The following CCDC83 variants were observed in gnomAD, a reference collection of about 807,000 sequenced individuals.
The protein encoded by CCDC83 is coiled-coil domain-containing protein 83.
Under a neutral mutation model 50.1 loss-of-function variants are expected in CCDC83, and 54 were observed. The ratio of observed to expected loss-of-function variants is 1.08; its 90% CI spans 0.87 to 1.35. The LOEUF (loss-of-function observed/expected upper bound fraction) is 1.35. Among genes scored for constraint, CCDC83 ranks in the 40% most tolerant of loss-of-function variants. The probability of loss-of-function intolerance (pLI) is 0.00; values close to 1 mark genes in which losing one functional copy is unlikely to be tolerated. For missense variants in CCDC83, 518 were observed against 473.9 expected, an observed-to-expected ratio of 1.09 and a Z score of -0.86; for synonymous variants, 161 against 153.3, an observed-to-expected ratio of 1.05 and a Z score of -0.37.
At position 85,895,822 on chromosome 11, in the gene CCDC83, C is replaced by CT. The variant is rs200910995; in HGVS notation, c.603+447dup. Among the ~76,000 whole-genome samples the CT allele has an allele frequency of 6.5e-3, 983 of 150,992 alleles. 10 individuals are homozygous for CT. Among genetic ancestry groups the CT allele is most frequent in the African/African-American group, 0.022 (923 of 41,184 alleles). On this transcript the variant is annotated intron_variant, in intron 6 of 10. Transcript: ENST00000342404. ...GAAGCAACAGCTCAGTGAATTTTTT[C>CT]TTTTTTTTTGAGGCAGGATCTTGCT... is the stretch of plus-strand genomic sequence containing the variant.
chr11:85,910,096 C>T (rs930202463), intron 7 of CCDC83, among the ~76,000 whole-genome samples: 1 of 152,138 alleles, frequency 6.6e-6, no homozygotes, highest in Non-Finnish European at 1.5e-5. Context: ...TGTGTCTGCC[C>T]AGGGAGTCCC....
At chr11:85,888,879 A>C (rs1349853583) in intron 5 of CCDC83, among the ~76,000 whole-genome samples, 1 of 152,126 alleles carries the variant, frequency 6.6e-6, no homozygotes, top group Non-Finnish European at 1.5e-5. Flanking sequence ...ATTCTCTACT[A>C]TCTATTCTGA....
At position 85,911,330 on chromosome 11, in the gene CCDC83, A is replaced by C. The variant is rs1187250000; in HGVS notation, c.722A>C (p.Glu241Ala). The change falls in exon 8 of 11, where the codon GAA becomes GCA. Residue 241 changes from glutamate (E) to alanine (A), a missense_variant. Transcript: ENST00000342404. ...GAAGAATTAAAAAATGCTATTCATG[A>C]ACTGGAAGCAGAAAATTTGGTGCTT... ...EVEELKNAIHELEAENLVLID... is the reference protein window; with the variant it reads ...EVEELKNAIHALEAENLVLID... 1 of 1,611,636 alleles carries C rather than the reference A, an allele frequency of 6.2e-7. No individual in the cohort carries two copies. The highest frequency in any genetic ancestry group is 1.3e-5 in the African/African-American group (1 of 74,950).
At chr11:85,893,257 G>C (rs1013715751) in intron 5 of CCDC83, among the ~76,000 whole-genome samples, 5 of 152,238 alleles carry the variant, frequency 3.3e-5, no homozygotes, top group African/African-American at 1.2e-4. Flanking sequence ...ATATGGAAGA[G>C]AAGTTTTTAC....
chr11:85,875,184 T>C (rs1039769559), intron 3 of CCDC83, among the ~76,000 whole-genome samples: 8 of 152,004 alleles, frequency 5.3e-5, no homozygotes. Context: ...ATGCAAAAAA[T>C]GTTAGGGTGG....
intron 2 of CCDC83, among the ~76,000 whole-genome samples, chr11:85,871,003 C>T (rs1014592050): frequency 6.6e-6 from 1 of 151,990 alleles, no homozygotes; most frequent in Non-Finnish European, 1.5e-5. Context: ...CTCGTCTCTG[C>T]AAAAAATTCA....
chr11:85,894,141 A>T (rs2093362154), intron 5 of CCDC83, among the ~76,000 whole-genome samples: 1 of 152,174 alleles, frequency 6.6e-6, no homozygotes, highest in Admixed American at 6.5e-5. Flanking sequence ...GTCTGGGGAA[A>T]AATTGTCTTC....
chr11:85,916,303 G>A, intron 10 of CCDC83, 70 bp downstream of exon 10: 2 of 1,114,908 alleles, frequency 1.8e-6, no homozygotes, highest in East Asian at 2.4e-5. Flanking sequence ...TTTTAATTGA[G>A]AAAATTAACC....
In CCDC83 at chr11:85,915,469, T is replaced by C. The variant is rs1386655617; in HGVS notation, c.845T>C (p.Met282Thr). Residue 282 changes from methionine to threonine, a missense_variant, in exon 9 of 11, where the codon ATG becomes ACG. Physicochemically the swap from Met to Thr is moderately conservative, Grantham distance 81. Coordinates refer to ENST00000342404, the MANE Select transcript of CCDC83 (RefSeq NM_001286159.2). The part of the protein sequence containing the change: ...AAGLEVPPEE[M>T]SLELPETHIE... Reference sequence around the variant, plus strand: ...GGACTAGAAGTGCCACCTGAAGAAATGTCTTTGGAATTGCCAGAAACACAT... The same window carrying C: ...GGACTAGAAGTGCCACCTGAAGAAACGTCTTTGGAATTGCCAGAAACACAT... The C allele has an allele frequency of 1.2e-6, 2 of 1,613,172 alleles. No homozygotes were observed. The highest frequency in any genetic ancestry group is 2.7e-5 in the African/African-American group (2 of 74,874).
chr11:85,865,720 T>G (rs1295852028), intron 2 of CCDC83, among the ~76,000 whole-genome samples: 1 of 151,984 alleles, frequency 6.6e-6, no homozygotes, highest in East Asian at 1.9e-4. Context: ...AAACCAGGTC[T>G]CCACTAAAAA....
intron 2 of CCDC83, among the ~76,000 whole-genome samples, chr11:85,868,757 C>T (rs1165439516): frequency 6.6e-6 from 1 of 151,954 alleles, no homozygotes; most frequent in Non-Finnish European, 1.5e-5. Context: ...AGGGATCAGC[C>T]CACCTCAACC....
At chr11:85,916,345 A>G in intron 10 of CCDC83, 112 bp downstream of exon 10, 2 of 847,276 alleles carry the variant, frequency 2.4e-6, no homozygotes. Flanking sequence ...TCCATTTGCA[A>G]TTATTAGTAA....
At chr11:85,889,188 A>C (rs146562395) in intron 5 of CCDC83, among the ~76,000 whole-genome samples, 2,960 of 152,258 alleles carry the variant, frequency 0.019, 105 homozygotes, top group African/African-American at 0.066. Flanking sequence ...CCCCATCTCT[A>C]CCAAAAATAC....
Position 85,865,204 on chromosome 11 carries a change from A to C in CCDC83, c.81A>C (p.Ala27=), listed in dbSNP as rs1566068726. ...PKEIKLPTSE[A]LLDYQCQIKE... ...AAATTAAACTGCCTACCAGTGAAGC[A>C]CTTCTAGACTATCAGTAAGTTTTTA... The change falls in exon 2 of 11, where the codon GCA becomes GCC. Residue 27 remains alanine, a synonymous_variant. Transcript: ENST00000342404. The C allele has an allele frequency of 6.3e-7, 1 of 1,594,320 alleles. No homozygotes were observed. Among genetic ancestry groups the C allele is most frequent in the East Asian group, 2.2e-5 (1 of 44,768 alleles).
chr11:85,917,158 GAGAGAGAGA>G (rs2093482020), intron 10 of CCDC83, among the ~76,000 whole-genome samples: 18 of 66,858 alleles, frequency 2.7e-4, no homozygotes, highest in African/African-American at 9.5e-4. Flanking sequence ...GAGAGAGAGA[GAGAGAGAGA>G]GAAAGAAAGA....
At chr11:85,917,209 G>GGAAAGAAAGAAA (rs150122733) in intron 10 of CCDC83, among the ~76,000 whole-genome samples, 13 of 94,852 alleles carry the variant, frequency 1.4e-4, no homozygotes, top group African/African-American at 3.1e-4. Flanking sequence ...AAAGAAAGAA[G>GGAAAGAAAGAAA]GAAAGAAAGA....
rs533632318 is a variant in CCDC83 at position 85,889,206 on chromosome 11, A to G, written c.511+2839A>G. 2.0e-5 allele frequency among the ~76,000 whole-genome samples: 3 copies of G among 152,336 alleles called. No homozygotes were observed. The South Asian group carries it at 6.2e-4, about 32-fold the overall frequency. The stretch of plus-strand genomic sequence containing the variant: ...CATCTCTACCAAAAATACAAAAGTT[A>G]GCTGGGTGTGGTGCCGCACACCTGC... On this transcript the variant is annotated intron_variant, in intron 5 of 10. Transcript: ENST00000342404.
At chr11:85,880,500 T>C (rs111918381) in intron 3 of CCDC83, among the ~76,000 whole-genome samples, 2 of 152,160 alleles carry the variant, frequency 1.3e-5, no homozygotes, top group South Asian at 2.1e-4. Flanking sequence ...GGTCTTGAAC[T>C]CCTAAGCTCA....
At chr11:85,895,054 A>C (rs1395883398) in intron 5 of CCDC83, among the ~76,000 whole-genome samples, 1 of 151,514 alleles carries the variant, frequency 6.6e-6, no homozygotes, top group Non-Finnish European at 1.5e-5. Flanking sequence ...ATCCCTCTCT[A>C]CTCTCCTCTC....
Sources: gnomAD v4.1 joint callset for allele counts (sites outside exome capture counted in the v4.1 genomes callset) on GRCh38, gnomAD v4.1.1 for gene constraint, MANE v1.5 for transcripts, NCBI Gene and HGNC (gene_info 2026-07-23, HGNC 2026-07-21) for gene names.